Variants in TENM4 observed in about 807,000 individuals in gnomAD.
TENM4 encodes the protein teneurin transmembrane protein 4.
TENM4 carries 82 observed loss-of-function variants against 243.3 expected under a neutral mutation model. That is an observed-to-expected ratio of 0.34 (90% CI 0.28 to 0.40). The LOEUF is 0.40. TENM4 is among the 10% of genes least tolerant of loss of function. The pLI, the probability that TENM4 is intolerant of heterozygous loss-of-function variation, is 1.00. For missense variants in TENM4, 3,138 were observed against 3,673.3 expected (o/e 0.85, Z 3.77); for synonymous variants, 1,412 against 1,456.3 (o/e 0.97, Z 0.69).
chr11:78,889,405 C>T (rs1037407974), intron 9 of TENM4, among the ~76,000 whole-genome samples: 3 of 152,254 alleles, frequency 2.0e-5, no homozygotes, highest in African/African-American at 4.8e-5. Flanking sequence ...GGAGAGGCTA[C>T]CTGCTGTTCA....
rs542287206 is a variant in TENM4 at position 78,903,232 on chromosome 11, C to T, written c.749+36G>A. ...CCTTGGTCCGGGCCCCGGGTGCCCA[C>T]CCTCCTCAGCCTCACCCTCCCTACC... On this transcript the variant is annotated intron_variant, in intron 7 of 33. Transcript: ENST00000278550. 1.2e-4 allele frequency: 176 copies of T among 1,470,440 alleles called. 1 individual carries two copies. The African/African-American group carries it at 2.1e-3, about 17-fold the overall frequency. The allele number at this position is 1,470,440 out of a possible 1,614,324, so 91.1% of individuals were successfully genotyped here. A position where few individuals can be genotyped will look rare whatever the true frequency, so the allele number is the denominator to read the frequency against.
chr11:79,310,394 C>T (rs1294389826), intron 1 of TENM4, among the ~76,000 whole-genome samples: 1 of 152,190 alleles, frequency 6.6e-6, no homozygotes, highest in Non-Finnish European at 1.5e-5. Flanking sequence ...TGATATCTAT[C>T]TTGTGAATAA....
intron 6 of TENM4, among the ~76,000 whole-genome samples, chr11:79,027,302 C>G (rs1859105689): frequency 6.6e-6 from 1 of 152,166 alleles, no homozygotes; most frequent in Non-Finnish European, 1.5e-5. Context: ...AGTTTCTGAC[C>G]TGGTAGAGTC....
chr11:79,210,644 C>T (rs79838971), intron 3 of TENM4, among the ~76,000 whole-genome samples: 6,681 of 152,092 alleles, frequency 0.044, 172 homozygotes, highest in Middle Eastern at 0.11. Context: ...CTGGGGAGCC[C>T]GGAGGGGAGG....
chr11:78,787,262 C>T (rs949007206), intron 15 of TENM4, among the ~76,000 whole-genome samples, 179 bp from the exon 16 acceptor site: 3 of 152,192 alleles, frequency 2.0e-5, no homozygotes, highest in Admixed American at 2.0e-4. Context: ...TCCAGAGGCT[C>T]GCGAGACTAA....
At chr11:78,693,903 T>C (rs1445473448) in intron 28 of TENM4, among the ~76,000 whole-genome samples, 2 of 152,122 alleles carry the variant, frequency 1.3e-5, no homozygotes, top group Non-Finnish European at 2.9e-5. Flanking sequence ...TAATCCCAGC[T>C]ACTCGGGAGG....
intron 1 of TENM4, among the ~76,000 whole-genome samples, chr11:79,317,344 T>A (rs1417621661): frequency 6.6e-6 from 1 of 152,148 alleles, no homozygotes; most frequent in Non-Finnish European, 1.5e-5. Context: ...TAATAAAAAA[T>A]GACCAAGTGA....
chr11:79,407,386 T>C (rs1041422301), intron 1 of TENM4, among the ~76,000 whole-genome samples: 1 of 152,216 alleles, frequency 6.6e-6, no homozygotes, highest in Non-Finnish European at 1.5e-5. Context: ...ATCATGTAAT[T>C]AGTAATAATC....
intron 6 of TENM4, among the ~76,000 whole-genome samples, chr11:78,924,294 A>G (rs1350849753): frequency 6.6e-6 from 1 of 152,196 alleles, no homozygotes; most frequent in Non-Finnish European, 1.5e-5. Flanking sequence ...CAAAACCAGG[A>G]TGAGAATCTG....
At chr11:79,084,862 A>G (rs1004033352) in intron 4 of TENM4, among the ~76,000 whole-genome samples, 1 of 152,164 alleles carries the variant, frequency 6.6e-6, no homozygotes, top group African/African-American at 2.4e-5. Flanking sequence ...ATGCACACAC[A>G]CTCATTCAGA....
rs575995590 is a variant in TENM4 at position 78,739,425 on chromosome 11, C to T, written c.2757-855G>A. ...GAACTAGTTCCTCTCTCCCACAAAA[C>T]CTGATGCAGACACCTTGATACTCTA... is the stretch of plus-strand genomic sequence containing the variant. On this transcript the variant is annotated intron_variant, in intron 19 of 33. Coordinates refer to ENST00000278550, the MANE Select transcript of TENM4 (RefSeq NM_001098816.3). Among the ~76,000 whole-genome samples the T allele has an allele frequency of 7.9e-5, 12 of 152,248 alleles. No individual in the cohort carries two copies. In the South Asian group the frequency reaches 2.1e-3, roughly 26 times the overall value.
chr11:79,154,147 A>AG (rs1189535322), intron 3 of TENM4, among the ~76,000 whole-genome samples: 1 of 151,660 alleles, frequency 6.6e-6, no homozygotes, highest in Non-Finnish European at 1.5e-5. Flanking sequence ...AATTAAAAAA[A>AG]AAGAGGTTTA....
chr11:79,379,916 T>G (rs1857967035), intron 1 of TENM4, among the ~76,000 whole-genome samples: 1 of 152,128 alleles, frequency 6.6e-6, no homozygotes, highest in Admixed American at 6.6e-5. Flanking sequence ...AGGGAGAGAC[T>G]GGCTTGTCAG....
chr11:78,830,526 C>G (rs1857956509), intron 12 of TENM4, among the ~76,000 whole-genome samples: 1 of 152,232 alleles, frequency 6.6e-6, no homozygotes, highest in African/African-American at 2.4e-5. Context: ...GCAGACTCCC[C>G]CCTGCTGAGC....
chr11:79,434,758 T>A (rs2135620845), intron 1 of TENM4, among the ~76,000 whole-genome samples: 1 of 152,274 alleles, frequency 6.6e-6, no homozygotes, highest in East Asian at 1.9e-4. Context: ...GAAAGAGACA[T>A]CATGGTTTAC....
At chr11:79,030,805 G>A (rs992503539) in intron 6 of TENM4, among the ~76,000 whole-genome samples, 62 of 152,096 alleles carry the variant, frequency 4.1e-4, no homozygotes, top group African/African-American at 1.4e-3. Context: ...AGGAAGCCAG[G>A]GTGACAGATT....
chr11:79,111,409 A>G (rs56139890), intron 4 of TENM4, among the ~76,000 whole-genome samples: 5,377 of 152,138 alleles, frequency 0.035, 130 homozygotes, highest in South Asian at 0.058. Context: ...GCTGGGCATG[A>G]TGGCGGGCAC....
chr11:79,044,598 G>A (rs904171329), intron 6 of TENM4, among the ~76,000 whole-genome samples: 4 of 152,188 alleles, frequency 2.6e-5, no homozygotes, highest in African/African-American at 9.7e-5. Context: ...AACTATTATG[G>A]AGGAAACACA....
intron 32 of TENM4, 79 bp downstream of exon 32, chr11:78,668,858 T>C: frequency 2.7e-6 from 4 of 1,498,382 alleles, no homozygotes; most frequent in Non-Finnish European, 3.6e-6. Context: ...TATGCCAGCT[T>C]TCTCAAAGAA....
Sources: gnomAD v4.1 joint callset for allele counts (sites outside exome capture counted in the v4.1 genomes callset) on GRCh38, gnomAD v4.1.1 for gene constraint, MANE v1.5 for transcripts, NCBI Gene and HGNC (gene_info 2026-07-23, HGNC 2026-07-21) for gene names.